The following ATP8B4 variants were observed in gnomAD, a reference collection of about 807,000 sequenced individuals.
ATP8B4 encodes the protein ATPase phospholipid transporting 8B4 (putative).
In ATP8B4, 133 loss-of-function variants were observed where a neutral mutation model predicts 145.6. That is an observed-to-expected ratio of 0.91 (90% CI 0.79 to 1.05). The LOEUF is 1.05. Ranked by LOEUF, ATP8B4 falls within the 50% of genes least tolerant of loss-of-function variation. The pLI, the probability that ATP8B4 is intolerant of heterozygous loss-of-function variation, is 0.00. For synonymous variants in ATP8B4, 507 were observed against 492.9 expected (o/e 1.03, Z -0.38); for missense variants, 1,458 against 1,425.2 (o/e 1.02, Z -0.37).
chr15:49,917,667 T>C (rs1405763236), intron 19 of ATP8B4, among the ~76,000 whole-genome samples: 1 of 152,190 alleles, frequency 6.6e-6, no homozygotes, highest in Non-Finnish European at 1.5e-5. Context: ...TCTAATTTTA[T>C]AGAAATGGAA....
chr15:49,882,920 T>A lies in ATP8B4; in HGVS notation c.2698-3461A>T, dbSNP rs1000890920. Reference sequence around the variant, plus strand: ...TACTTTTTAATATATTTGTTAAACTTTACCAATGATAAAAAATTTAAAAAT... The same window carrying A: ...TACTTTTTAATATATTTGTTAAACTATACCAATGATAAAAAATTTAAAAAT... On this transcript the variant is annotated intron_variant, in intron 23 of 27. Transcript: ENST00000284509. Among the ~76,000 whole-genome samples the A allele has an allele frequency of 2.6e-5, 4 of 152,328 alleles. No homozygotes were observed. The East Asian group carries it at 7.7e-4, about 29-fold the overall frequency.
At chr15:49,967,025 G>A (rs1438006461) in intron 13 of ATP8B4, among the ~76,000 whole-genome samples, 1 of 152,154 alleles carries the variant, frequency 6.6e-6, no homozygotes, top group Non-Finnish European at 1.5e-5. Flanking sequence ...TGCAGCTGAG[G>A]GGCCTGACTG....
chr15:49,862,096 C>G, intron 27 of ATP8B4, 149 bp downstream of exon 27: 1 of 983,290 alleles, frequency 1.0e-6, no homozygotes, highest in South Asian at 1.8e-5. Context: ...TGGGAAGTCC[C>G]ATCTATTCTG....
intron 1 of ATP8B4, among the ~76,000 whole-genome samples, chr15:50,147,444 A>G (rs1385862794): frequency 6.8e-6 from 1 of 147,314 alleles, no homozygotes; most frequent in Non-Finnish European, 1.5e-5. Flanking sequence ...AAAAAAAAGT[A>G]TATACTTCCT....
intron 22 of ATP8B4, 77 bp downstream of exon 22, chr15:49,897,991 G>C (rs1368389039): frequency 6.8e-7 from 1 of 1,478,272 alleles, no homozygotes; most frequent in Non-Finnish European, 9.3e-7. Context: ...ATGCAATCTA[G>C]TGATTATATA....
At chr15:50,162,567 C>T (rs185487918) in intron 1 of ATP8B4, among the ~76,000 whole-genome samples, 6 of 152,008 alleles carry the variant, frequency 3.9e-5, no homozygotes, top group East Asian at 3.9e-4. Flanking sequence ...AGTGCAGTGG[C>T]GCGATCTCAG....
chr15:50,058,421 T>C (rs1567281161), intron 3 of ATP8B4, among the ~76,000 whole-genome samples: 1 of 152,144 alleles, frequency 6.6e-6, no homozygotes, highest in Non-Finnish European at 1.5e-5. Flanking sequence ...GTCTGGGAAC[T>C]AGGCCAAATT....
chr15:49,947,409 C>T (rs1482024902), intron 14 of ATP8B4, among the ~76,000 whole-genome samples: 4 of 133,506 alleles, frequency 3.0e-5, no homozygotes, highest in Non-Finnish European at 4.6e-5. Flanking sequence ...TCCAGCCTGG[C>T]GACTGGCGAC....
At chr15:49,920,533 G>T in intron 17 of ATP8B4, 123 bp from the exon 18 acceptor site, 10 of 1,109,824 alleles carry the variant, frequency 9.0e-6, no homozygotes, top group Non-Finnish European at 1.3e-5. Context: ...AGCACTGCTT[G>T]GCTATCCTTA....
At chr15:50,026,778 T>C (rs911656246) in intron 6 of ATP8B4, among the ~76,000 whole-genome samples, 1 of 152,096 alleles carries the variant, frequency 6.6e-6, no homozygotes. Context: ...TCCTGCCTTG[T>C]GGGGTAGAAA....
At chr15:49,861,793 A>G (rs2031867406) in intron 27 of ATP8B4, among the ~76,000 whole-genome samples, 1 of 152,210 alleles carries the variant, frequency 6.6e-6, no homozygotes, top group Admixed American at 6.5e-5. Flanking sequence ...TCAGAAGGTA[A>G]CATCTCACCC....
chr15:49,891,194 A>G (rs1215400428), intron 23 of ATP8B4, among the ~76,000 whole-genome samples: 2 of 151,964 alleles, frequency 1.3e-5, no homozygotes, highest in Non-Finnish European at 2.9e-5. Flanking sequence ...CTTAATTTTT[A>G]AAATATTCAT....
chr15:50,152,018 C>A (rs1392707531), intron 1 of ATP8B4, among the ~76,000 whole-genome samples: 1 of 152,002 alleles, frequency 6.6e-6, no homozygotes, highest in African/African-American at 2.4e-5. Flanking sequence ...TTATCTTTAT[C>A]ATTTATATAA....
At chr15:49,899,221 C>T (rs2037755107) in intron 21 of ATP8B4, among the ~76,000 whole-genome samples, 1 of 152,110 alleles carries the variant, frequency 6.6e-6, no homozygotes, top group African/African-American at 2.4e-5. Flanking sequence ...GCCATTACCT[C>T]TACTTGAAAA....
chr15:50,173,548 A>T (rs1167190080), intron 1 of ATP8B4, among the ~76,000 whole-genome samples: 1 of 152,180 alleles, frequency 6.6e-6, no homozygotes, highest in Non-Finnish European at 1.5e-5. Context: ...CCAGGGACAT[A>T]AACACTGCGG....
chr15:49,911,119 G>C (rs2039184293), intron 20 of ATP8B4, among the ~76,000 whole-genome samples: 2 of 152,140 alleles, frequency 1.3e-5, no homozygotes, highest in South Asian at 4.1e-4. Flanking sequence ...AATGTGACAG[G>C]AACAAAACCT....
chr15:49,981,880 T>C (rs1450225556), intron 10 of ATP8B4, among the ~76,000 whole-genome samples: 1 of 152,204 alleles, frequency 6.6e-6, no homozygotes, highest in Non-Finnish European at 1.5e-5. Flanking sequence ...TTGTGTTAGA[T>C]TTATTTCAGG....
intron 3 of ATP8B4, among the ~76,000 whole-genome samples, chr15:50,061,029 TG>T (rs2052976471): frequency 6.6e-6 from 1 of 152,196 alleles, no homozygotes; most frequent in African/African-American, 2.4e-5. Context: ...TAGGAGGTAC[TG>T]GATTCCCCCA....
chr15:49,999,267 A>C (rs1248279637), intron 8 of ATP8B4, among the ~76,000 whole-genome samples: 1 of 151,686 alleles, frequency 6.6e-6, no homozygotes, highest in Non-Finnish European at 1.5e-5. Context: ...CATCATTCTC[A>C]GTAAACTATC....
Sources: gnomAD v4.1 joint callset for allele counts (sites outside exome capture counted in the v4.1 genomes callset) on GRCh38, gnomAD v4.1.1 for gene constraint, MANE v1.5 for transcripts, NCBI Gene and HGNC (gene_info 2026-07-23, HGNC 2026-07-21) for gene names.